Variants in STK32B observed in about 807,000 individuals in gnomAD.
STK32B encodes the protein serine/threonine kinase 32B, also known as serine/threonine-protein kinase 32B.
In STK32B, 43 loss-of-function variants were observed where a neutral mutation model predicts 52.6. That is an observed-to-expected ratio of 0.82 (90% confidence interval 0.64 to 1.05). The LOEUF is 1.05. STK32B is among the 50% of genes least tolerant of loss of function. The pLI, the probability that STK32B is intolerant of heterozygous loss-of-function variation, is 0.00. For missense variants in STK32B, 621 were observed against 534.6 expected (o/e 1.16, Z -1.59); for synonymous variants, 238 against 204.3 (o/e 1.17, Z -1.41).
chr4:5,134,036 A>G (rs2108824702), intron 1 of STK32B, among the ~76,000 whole-genome samples: 1 of 152,300 alleles, frequency 6.6e-6, no homozygotes, highest in Non-Finnish European at 1.5e-5. Flanking sequence ...CCCCATCAAC[A>G]GATAGGACCT....
chr4:5,274,183 A>T (rs533902850), intron 3 of STK32B, among the ~76,000 whole-genome samples: 1 of 152,310 alleles, frequency 6.6e-6, no homozygotes, highest in East Asian at 1.9e-4. Flanking sequence ...AGCTAAAACA[A>T]CTTTAAAAAG....
chr4:5,347,497 G>A (rs1460532689), intron 4 of STK32B, among the ~76,000 whole-genome samples: 2 of 152,156 alleles, frequency 1.3e-5, no homozygotes, highest in African/African-American at 2.4e-5. Context: ...GATTATCCTG[G>A]ATTATTTTAG....
chr4:5,122,918 T>C (rs1471922810), intron 1 of STK32B, among the ~76,000 whole-genome samples: 1 of 152,138 alleles, frequency 6.6e-6, no homozygotes, highest in East Asian at 1.9e-4. Context: ...CTGTTGGTGC[T>C]CTTCCACCCT....
chr4:5,185,389 G>A (rs1409320834), intron 3 of STK32B, among the ~76,000 whole-genome samples: 1 of 152,196 alleles, frequency 6.6e-6, no homozygotes, highest in Non-Finnish European at 1.5e-5. Flanking sequence ...GACTGAGTCA[G>A]TACACGGATA....
Position 5,469,982 on chromosome 4 carries a change from G to A in STK32B, c.1106+1912G>A, listed in dbSNP as rs376305910. On this transcript the variant is annotated intron_variant, in intron 11 of 11. Transcript: ENST00000282908. The surrounding 1 kb of genome is among the most constrained non-coding windows in gnomAD (Gnocchi z 4.7). ...AGCCTTCATTCTCTGTGTGTGGGCC[G>A]TGGAGTCCAATGAGAGCAGCTGCTG... 7.9e-5 allele frequency among the ~76,000 whole-genome samples: 12 copies of A among 152,274 alleles called. No homozygotes were observed. The highest frequency in any genetic ancestry group is 3.4e-3 in the Middle Eastern group (1 of 294).
At position 5,256,966 on chromosome 4, in the gene STK32B, A is replaced by C. The variant is rs558945967; in HGVS notation, c.261-74254A>C. ...GAGTAAGTGGATGAATAAGTGAGTG[A>C]GTGGATGAATAAGTGGGTGAGGGGA... On this transcript the variant is annotated intron_variant, in intron 3 of 11. Coordinates refer to ENST00000282908, the MANE Select transcript of STK32B (RefSeq NM_018401.3). Among the ~76,000 whole-genome samples the C allele has an allele frequency of 6.6e-5, 10 of 152,220 alleles. No homozygotes were observed. The South Asian group carries it at 2.1e-3, about 32-fold the overall frequency.
At chr4:5,306,899 T>C (rs965783050) in intron 3 of STK32B, among the ~76,000 whole-genome samples, 1 of 152,198 alleles carries the variant, frequency 6.6e-6, no homozygotes, top group Non-Finnish European at 1.5e-5. Context: ...TTTATGAAGC[T>C]TAGTTTTCCT....
rs1717759684 is a variant in STK32B, at chr4:5,470,339, T to A, written c.1106+2269T>A. On this transcript the variant is annotated intron_variant, in intron 11 of 11. Coordinates refer to ENST00000282908, the MANE Select transcript of STK32B (RefSeq NM_018401.3). This position sits in a 1 kb window ranked among gnomAD's most constrained non-coding sequence, Gnocchi z 4.6. ...GAGATTTGGCATCGGGGATTGGAAGTGAGGCTGGCATAGTTTACCGGAGTC... is the reference window on the plus strand; with the variant it reads ...GAGATTTGGCATCGGGGATTGGAAGAGAGGCTGGCATAGTTTACCGGAGTC... Among the ~76,000 whole-genome samples the A allele has an allele frequency of 6.6e-6, 1 of 152,090 alleles. No individual in the cohort carries two copies.
At chr4:5,368,684 G>A (rs1352245107) in intron 4 of STK32B, among the ~76,000 whole-genome samples, 1 of 152,170 alleles carries the variant, frequency 6.6e-6, no homozygotes, top group East Asian at 1.9e-4. Flanking sequence ...GGCTGGCAGG[G>A]ACTGCTTGGC....
intron 3 of STK32B, among the ~76,000 whole-genome samples, chr4:5,315,212 A>C (rs1446929684): frequency 6.6e-6 from 1 of 152,132 alleles, no homozygotes; most frequent in African/African-American, 2.4e-5. Flanking sequence ...AACACATGAA[A>C]AAGTGTTCAT....
intron 4 of STK32B, among the ~76,000 whole-genome samples, chr4:5,353,554 A>T (rs1560345407): frequency 1.3e-5 from 2 of 151,852 alleles, no homozygotes; most frequent in East Asian, 3.8e-4. Flanking sequence ...TAAAAAAAAA[A>T]AATAAAAATA....
intron 6 of STK32B, chr4:5,432,348 T>C (rs949957383): frequency 3.3e-5 from 5 of 152,334 alleles, no homozygotes; most frequent in Admixed American, 3.3e-4. Context: ...TTCAGAGAGC[T>C]ACCCAGTGGG....
chr4:5,356,671 T>C (rs1734186676), intron 4 of STK32B, among the ~76,000 whole-genome samples: 1 of 152,174 alleles, frequency 6.6e-6, no homozygotes, highest in Non-Finnish European at 1.5e-5. Flanking sequence ...CCTGGTTACC[T>C]ATTATAGGTC....
intron 3 of STK32B, among the ~76,000 whole-genome samples, chr4:5,243,710 T>G (rs1725218603): frequency 6.6e-6 from 1 of 152,200 alleles, no homozygotes; most frequent in South Asian, 2.1e-4. Context: ...ATATTGCCTG[T>G]GGGTTTGTCA....
chr4:5,276,938 C>A (rs753869103), intron 3 of STK32B, among the ~76,000 whole-genome samples: 3 of 152,174 alleles, frequency 2.0e-5, no homozygotes, highest in Non-Finnish European at 4.4e-5. Flanking sequence ...ATATAGAGGA[C>A]ACTCTATAAA....
At chr4:5,026,025 T>C in the STK32B span, among the ~76,000 whole-genome samples, 1 of 152,124 alleles carries the variant, frequency 6.6e-6, no homozygotes, top group Non-Finnish European at 1.5e-5. Context: ...CCTCCACGAC[T>C]CCCTCCCAGT....
At chr4:5,150,509 C>G (rs765636633) in intron 2 of STK32B, among the ~76,000 whole-genome samples, 1 of 152,100 alleles carries the variant, frequency 6.6e-6, no homozygotes, top group Non-Finnish European at 1.5e-5. Flanking sequence ...TTTTAACAAG[C>G]AGTTAACTTG....
At position 5,395,322 on chromosome 4, in the gene STK32B, C is replaced by T. The variant is rs1255451958; in HGVS notation, c.435-2885C>T. Among the ~76,000 whole-genome samples, 3 of 152,178 alleles carry T rather than the reference C, an allele frequency of 2.0e-5. No homozygotes were observed. The highest frequency in any genetic ancestry group is 4.4e-5 in the Non-Finnish European group (3 of 68,034). ...CTTTGTCAGCTTCCATGGCTAGGACCACGTCACAGGTGAGATCATTTATTC... is the reference window on the plus strand; with the variant it reads ...CTTTGTCAGCTTCCATGGCTAGGACTACGTCACAGGTGAGATCATTTATTC... On this transcript the variant is annotated intron_variant, in intron 4 of 11. Coordinates refer to ENST00000282908, the MANE Select transcript of STK32B (RefSeq NM_018401.3). The surrounding 1 kb of genome is among the most constrained non-coding windows in gnomAD (Gnocchi z 4.4).
intron 1 of STK32B, chr4:5,139,583 A>G (rs2108831092): frequency 6.3e-6 from 2 of 315,360 alleles, no homozygotes. Flanking sequence ...AAGGCCGTAC[A>G]TTGTTGACCT....
Sources: allele counts gnomAD v4.1 joint callset (sites outside exome capture counted in the v4.1 genomes callset), GRCh38; gene constraint gnomAD v4.1.1; non-coding constraint Gnocchi (gnomAD v3.1); transcripts MANE v1.5; gene names NCBI Gene and HGNC (gene_info 2026-07-23, HGNC 2026-07-21).